FBXL17: variants seen among roughly 807,000 people sequenced by gnomAD.
FBXL17 encodes F-box and leucine rich repeat protein 17, also known as F-box/LRR-repeat protein 17.
FBXL17 carries 22 observed loss-of-function variants against 66.2 expected under a neutral mutation model. That is an observed-to-expected ratio of 0.33 (90% CI 0.24 to 0.47). The LOEUF (loss-of-function observed/expected upper bound fraction) is 0.47, where lower values mean the gene tolerates loss of function less well. FBXL17 is among the 20% of genes least tolerant of loss of function. FBXL17 has a pLI of 1.00. For missense variants in FBXL17, 878 were observed against 948.2 expected, an observed-to-expected ratio of 0.93 and a Z score of 0.97; for synonymous variants, 474 against 400.5, an observed-to-expected ratio of 1.18 and a Z score of -2.19.
At chr5:108,003,803 T>C (rs933353407) in intron 7 of FBXL17, among the ~76,000 whole-genome samples, 6 of 151,982 alleles carry the variant, frequency 3.9e-5, no homozygotes, top group Non-Finnish European at 5.9e-5. Context: ...AGCATAGGGA[T>C]GGATAAAATA....
At chr5:108,296,730 G>GT (rs1758363312) in intron 4 of FBXL17, among the ~76,000 whole-genome samples, 1 of 151,576 alleles carries the variant, frequency 6.6e-6, no homozygotes, top group Non-Finnish European at 1.5e-5. Context: ...GAGAAAATAA[G>GT]TAGCTTTATT....
intron 4 of FBXL17, among the ~76,000 whole-genome samples, chr5:108,263,615 C>T (rs1411388134): frequency 6.6e-6 from 1 of 152,100 alleles, no homozygotes; most frequent in Non-Finnish European, 1.5e-5. Context: ...CAGTTGTCAG[C>T]AATAAAAATC....
intron 4 of FBXL17, among the ~76,000 whole-genome samples, chr5:108,227,766 G>A (rs1755159978): frequency 6.6e-6 from 1 of 152,100 alleles, no homozygotes; most frequent in Admixed American, 6.6e-5. Context: ...TAAGACTAAG[G>A]ATGCCATTGA....
intron 5 of FBXL17, among the ~76,000 whole-genome samples, chr5:108,193,517 T>A (rs150240364): frequency 0.01 from 1,558 of 152,150 alleles, 27 homozygotes; most frequent in African/African-American, 0.036. Flanking sequence ...AGAAGGTCTG[T>A]TATCTACACT....
In FBXL17 at chr5:108,154,412, G is replaced by C. The variant is rs1171456729; in HGVS notation, c.1745+31705C>G. Among the ~76,000 whole-genome samples, 29 of 150,520 alleles carry C rather than the reference G, an allele frequency of 1.9e-4. 1 individual carries two copies. The highest frequency in any genetic ancestry group is 2.8e-4 in the Non-Finnish European group (19 of 67,698). ...AGTTCGAGACCAGCCTCAACATGGA[G>C]AAACCCCGTCTCTACTAAAAACACA... On this transcript the variant is annotated intron_variant, in intron 6 of 8. Coordinates refer to ENST00000542267, the MANE Select transcript of FBXL17 (RefSeq NM_001163315.3).
At chr5:107,890,751 G>T (rs560948804) in intron 7 of FBXL17, among the ~76,000 whole-genome samples, 2 of 152,246 alleles carry the variant, frequency 1.3e-5, no homozygotes, top group East Asian at 3.9e-4. Context: ...ACCAAGGTTG[G>T]TGAAAACATA....
intron 6 of FBXL17, among the ~76,000 whole-genome samples, chr5:108,029,390 T>G (rs17440818): frequency 0.14 from 20,950 of 152,084 alleles, 1,552 homozygotes; most frequent in East Asian, 0.18. Context: ...CTATTGATAC[T>G]TAGCCAGATT....
chr5:108,177,911 G>GTATATATATATATATATA (rs70996985), intron 6 of FBXL17, among the ~76,000 whole-genome samples: 37 of 115,252 alleles, frequency 3.2e-4, no homozygotes, highest in East Asian at 2.7e-3. Flanking sequence ...AAAAAAAAAT[G>GTATATATATATATATATA]TATATATATA....
intron 5 of FBXL17, among the ~76,000 whole-genome samples, chr5:108,193,109 T>G (rs1753535986): frequency 6.6e-6 from 1 of 152,242 alleles, no homozygotes; most frequent in Non-Finnish European, 1.5e-5. Flanking sequence ...CTGCACATAT[T>G]GACTTTATTG....
chr5:107,867,387 C>A (rs1378667142), intron 8 of FBXL17, among the ~76,000 whole-genome samples: 3 of 152,202 alleles, frequency 2.0e-5, no homozygotes, highest in Admixed American at 6.5e-5. Flanking sequence ...TTTGGATAAC[C>A]TGATGGCAAC....
chr5:108,274,319 G>A (rs141234179), intron 4 of FBXL17, among the ~76,000 whole-genome samples: 82 of 152,260 alleles, frequency 5.4e-4, no homozygotes, highest in African/African-American at 1.7e-3. Context: ...CCCCAGGTGC[G>A]CATTCTCTTT....
chr5:107,919,525 C>G (rs73780458), intron 7 of FBXL17, among the ~76,000 whole-genome samples: 1,709 of 152,270 alleles, frequency 0.011, 34 homozygotes, highest in African/African-American at 0.04. Flanking sequence ...GCTTTTTACA[C>G]GCTCCAGTGT....
chr5:107,968,362 G>A (rs2112643512), intron 7 of FBXL17, among the ~76,000 whole-genome samples: 1 of 152,228 alleles, frequency 6.6e-6, no homozygotes, highest in Admixed American at 6.5e-5. Context: ...GTTTACTTAT[G>A]TATATAAAGT....
chr5:108,306,220 A>G (rs1758833508), intron 4 of FBXL17, among the ~76,000 whole-genome samples: 1 of 152,086 alleles, frequency 6.6e-6, no homozygotes, highest in Non-Finnish European at 1.5e-5. Context: ...TATGGGGGAA[A>G]ATACACTTCC....
intron 5 of FBXL17, among the ~76,000 whole-genome samples, chr5:108,198,457 T>G (rs899740087): frequency 1.3e-5 from 2 of 152,164 alleles, no homozygotes; most frequent in Non-Finnish European, 1.5e-5. Context: ...TAGTATTTCT[T>G]CCACAATCTT....
At chr5:108,241,446 G>A (rs1755850285) in intron 4 of FBXL17, among the ~76,000 whole-genome samples, 1 of 151,792 alleles carries the variant, frequency 6.6e-6, no homozygotes, top group Non-Finnish European at 1.5e-5. Context: ...AAAATACATA[G>A]GGGAAACAAA....
At chr5:108,101,535 T>C (rs1010512900) in intron 6 of FBXL17, among the ~76,000 whole-genome samples, 5 of 152,238 alleles carry the variant, frequency 3.3e-5, no homozygotes, top group African/African-American at 1.2e-4. Context: ...TCTATTAATG[T>C]AACAGTTCTC....
chr5:107,954,220 AAAGT>A lies in FBXL17; in HGVS notation c.1822+66701_1822+66704del, dbSNP rs576150814. On this transcript the variant is annotated intron_variant, in intron 7 of 8. Coordinates refer to ENST00000542267, the MANE Select transcript of FBXL17 (RefSeq NM_001163315.3). ...ATACTAATTCCAAGTGAGAAGAAAG[AAAGT>A]ATGAGAAAAGTTATGCACAAAATAA... 2.0e-3 allele frequency among the ~76,000 whole-genome samples: 311 copies of A among 152,366 alleles called. 1 individual carries two copies. Among genetic ancestry groups the A allele is most frequent in the Non-Finnish European group, 2.7e-3 (186 of 68,040 alleles).
chr5:108,278,685 A>G (rs1005728015), intron 4 of FBXL17, among the ~76,000 whole-genome samples: 9 of 152,234 alleles, frequency 5.9e-5, no homozygotes, highest in African/African-American at 1.7e-4. Flanking sequence ...GAACTGGGGT[A>G]TAAGTGGGAC....
Sources: gnomAD v4.1 joint callset for allele counts (sites outside exome capture counted in the v4.1 genomes callset) on GRCh38, gnomAD v4.1.1 for gene constraint, MANE v1.5 for transcripts, NCBI Gene and HGNC (gene_info 2026-07-23, HGNC 2026-07-21) for gene names.